UBE2R2: variants seen among roughly 807,000 people sequenced by gnomAD.
UBE2R2 encodes the protein ubiquitin-conjugating enzyme E2 R2.
UBE2R2 carries 1 observed loss-of-function variant against 27.8 expected under a neutral mutation model. The observed-to-expected ratio is 0.04, with a 90% confidence interval of 0.01 to 0.17. UBE2R2 has a LOEUF of 0.17. Ranked by LOEUF, UBE2R2 falls within the 10% of genes least tolerant of loss-of-function variation. UBE2R2 has a pLI of 1.00. For synonymous variants in UBE2R2, 106 were observed against 113.3 expected, an observed-to-expected ratio of 0.94 and a Z score of 0.41; for missense variants, 100 against 291.0, an observed-to-expected ratio of 0.34 and a Z score of 4.78.
chr9:33,837,226 T>G (rs968352304), intron 1 of UBE2R2, among the ~76,000 whole-genome samples: 5 of 152,110 alleles, frequency 3.3e-5, no homozygotes, highest in Non-Finnish European at 7.4e-5. Flanking sequence ...TTTTTTCCTT[T>G]ATTTGTTTTT....
intron 1 of UBE2R2, among the ~76,000 whole-genome samples, chr9:33,846,697 T>C (rs1820854281): frequency 6.6e-6 from 1 of 152,234 alleles, no homozygotes. Context: ...TTGCAACTGC[T>C]AAACTCTGCC....
chr9:33,905,679 C>T (rs1822338429), intron 3 of UBE2R2, among the ~76,000 whole-genome samples: 1 of 152,200 alleles, frequency 6.6e-6, no homozygotes, highest in African/African-American at 2.4e-5. Flanking sequence ...ATTTTACCAT[C>T]AGTTGCCCTG....
At chr9:33,835,547 C>T (rs1416882267) in intron 1 of UBE2R2, among the ~76,000 whole-genome samples, 2 of 152,004 alleles carry the variant, frequency 1.3e-5, no homozygotes, top group African/African-American at 2.4e-5. Context: ...CAAAAGATGT[C>T]GCAGGAAACT....
intron 1 of UBE2R2, among the ~76,000 whole-genome samples, chr9:33,861,060 G>A (rs1291307461): frequency 1.3e-5 from 2 of 151,150 alleles, no homozygotes; most frequent in African/African-American, 4.9e-5. Context: ...CTGGGTTCAC[G>A]CCATTCTCCT....
At chr9:33,868,358 A>G (rs1275341407) in intron 1 of UBE2R2, among the ~76,000 whole-genome samples, 7 of 152,184 alleles carry the variant, frequency 4.6e-5, no homozygotes, top group Non-Finnish European at 7.3e-5. Flanking sequence ...GGGCTTAGCC[A>G]GGATCCCAGC....
chr9:33,886,828 A>G, intron 1 of UBE2R2, 53 bp from the exon 2 acceptor site: 1 of 1,425,744 alleles, frequency 7.0e-7, no homozygotes, highest in Non-Finnish European at 9.5e-7. Context: ...ATTATTAGGC[A>G]GATGAATAAG....
In UBE2R2 at chr9:33,891,047, G is replaced by GTTTTTTTGTTTTTTTT. The variant is rs142957598; in HGVS notation, c.264+4085_264+4100dup. ...ATGTCATGTTTTTTGTTGTTGTTGT[G>GTTTTTTTGTTTTTTTT]TTTTTTTGTTTTTTTTTTTTGAGAT... On this transcript the variant is annotated intron_variant, in intron 2 of 4. Transcript: ENST00000263228. 5.5e-3 allele frequency among the ~76,000 whole-genome samples: 692 copies of GTTTTTTTGTTTTTTTT among 126,364 alleles called. 4 individuals are homozygous for GTTTTTTTGTTTTTTTT. The highest frequency in any genetic ancestry group is 0.022 in the Admixed American group (261 of 11,966). 82.9% of individuals were successfully genotyped at this position (126,364 alleles called of 152,430 possible).
intron 1 of UBE2R2, among the ~76,000 whole-genome samples, chr9:33,873,897 C>T (rs899747876): frequency 2.0e-5 from 3 of 151,622 alleles, no homozygotes; most frequent in Non-Finnish European, 4.4e-5. Flanking sequence ...CCTGCCTTGG[C>T]CTCCCAAAGT....
At chr9:33,880,393 A>G (rs1478038573) in intron 1 of UBE2R2, among the ~76,000 whole-genome samples, 2 of 151,940 alleles carry the variant, frequency 1.3e-5, no homozygotes, top group African/African-American at 4.9e-5. Context: ...TGATTTGTAC[A>G]GTTACGTAAT....
chr9:33,845,755 C>G (rs1820830212), intron 1 of UBE2R2, among the ~76,000 whole-genome samples: 1 of 151,892 alleles, frequency 6.6e-6, no homozygotes. Flanking sequence ...CGCCTGTAAT[C>G]CCAGCACTTT....
At chr9:33,910,002 A>G (rs1215678743) in intron 3 of UBE2R2, among the ~76,000 whole-genome samples, 1 of 152,172 alleles carries the variant, frequency 6.6e-6, no homozygotes, top group African/African-American at 2.4e-5. Context: ...GGTATTTTAC[A>G]ACAACACAAT....
At chr9:33,895,157 T>TA (rs1164760213) in intron 2 of UBE2R2, among the ~76,000 whole-genome samples, 3 of 152,246 alleles carry the variant, frequency 2.0e-5, no homozygotes, top group Non-Finnish European at 4.4e-5. Flanking sequence ...TTTAGATGCA[T>TA]AAAAGTTTTC....
chr9:33,887,417 G>A (rs1821884856), intron 2 of UBE2R2, among the ~76,000 whole-genome samples: 1 of 152,210 alleles, frequency 6.6e-6, no homozygotes, highest in Admixed American at 6.6e-5. Flanking sequence ...AGGAATTGCT[G>A]CTGAACATTT....
At chr9:33,903,209 G>A (rs1822283018) in intron 3 of UBE2R2, among the ~76,000 whole-genome samples, 1 of 152,132 alleles carries the variant, frequency 6.6e-6, no homozygotes, top group Non-Finnish European at 1.5e-5. Context: ...ATTATAATTA[G>A]ACAATGTGTA....
chr9:33,900,780 C>G (rs1822226336), intron 3 of UBE2R2, among the ~76,000 whole-genome samples: 1 of 152,114 alleles, frequency 6.6e-6, no homozygotes, highest in Non-Finnish European at 1.5e-5. Context: ...AGTTGCCCAG[C>G]TGGTCTCAAA....
intron 1 of UBE2R2, among the ~76,000 whole-genome samples, chr9:33,846,284 A>T (rs950199991): frequency 1.3e-5 from 2 of 152,076 alleles, no homozygotes; most frequent in Non-Finnish European, 2.9e-5. Context: ...TAACAGCGAA[A>T]CTCCATCTCA....
intron 2 of UBE2R2, among the ~76,000 whole-genome samples, chr9:33,898,213 G>T (rs969904007): frequency 6.6e-6 from 1 of 152,028 alleles, no homozygotes. Flanking sequence ...AGCCTCCTGA[G>T]TAGCTGCGAT....
intron 1 of UBE2R2, among the ~76,000 whole-genome samples, chr9:33,868,210 T>C (rs1402306403): frequency 6.6e-6 from 1 of 152,108 alleles, no homozygotes; most frequent in Non-Finnish European, 1.5e-5. Flanking sequence ...CTTGTATCCT[T>C]GACACTCAGC....
At chr9:33,837,420 CTTTTT>C (rs374681097) in intron 1 of UBE2R2, among the ~76,000 whole-genome samples, 2 of 126,676 alleles carry the variant, frequency 1.6e-5, no homozygotes, top group Admixed American at 8.3e-5. Context: ...GCTGCTGCTT[CTTTTT>C]TTTTTTTTTT....
Sources: gnomAD v4.1 joint callset for allele counts (sites outside exome capture counted in the v4.1 genomes callset) on GRCh38, gnomAD v4.1.1 for gene constraint, MANE v1.5 for transcripts, NCBI Gene and HGNC (gene_info 2026-07-23, HGNC 2026-07-21) for gene names.